RBFOX3: variants seen among roughly 807,000 people sequenced by gnomAD.
The protein encoded by RBFOX3 is RNA binding fox-1 homolog 3, also known as RNA binding protein fox-1 homolog 3.
Under a neutral mutation model 48.7 loss-of-function variants are expected in RBFOX3, and 17 were observed. The ratio of observed to expected loss-of-function variants is 0.35; its 90% CI spans 0.24 to 0.52. RBFOX3 has a LOEUF of 0.52. Among genes scored for constraint, RBFOX3 ranks in the 20% least tolerant of loss-of-function variants. The pLI is 0.94. For synonymous variants in RBFOX3, 212 were observed against 209.5 expected, an observed-to-expected ratio of 1.01 and a Z score of -0.10; for missense variants, 382 against 497.5, an observed-to-expected ratio of 0.77 and a Z score of 2.21.
Position 79,514,406 on chromosome 17 carries a change from C to A in RBFOX3, c.-319-31808G>T, listed in dbSNP as rs1268313759. On this transcript the variant is annotated intron_variant, in intron 1 of 14. Coordinates refer to ENST00000693108, the MANE Select transcript of RBFOX3 (RefSeq NM_001350451.2). ...GTGGGCCACTATTGCCTCACTGAGT[C>A]CTCTCACACCTGCCAGGTAGGTTCT... Among the ~76,000 whole-genome samples, 5 of 152,242 alleles carry A rather than the reference C, an allele frequency of 3.3e-5. No individual in the cohort carries two copies. In the East Asian group the frequency reaches 9.6e-4, roughly 29 times the overall value.
At chr17:79,379,812 A>G (rs1470643542) in intron 2 of RBFOX3, among the ~76,000 whole-genome samples, 10 of 152,056 alleles carry the variant, frequency 6.6e-5, no homozygotes, top group Non-Finnish European at 1.3e-4. Context: ...CCAAGATGCC[A>G]TCCGGGTCCT....
At chr17:79,638,320 T>TAA in the RBFOX3 span, among the ~76,000 whole-genome samples, 1 of 37,380 alleles carries the variant, frequency 2.7e-5, no homozygotes, top group African/African-American at 6.7e-5. Context: ...TTTTTTTTTT[T>TAA]AAATAAAATA....
At chr17:79,496,680 GA>G (rs2081585368) in intron 1 of RBFOX3, among the ~76,000 whole-genome samples, 1 of 152,156 alleles carries the variant, frequency 6.6e-6, no homozygotes, top group Non-Finnish European at 1.5e-5. Context: ...ACAGCATACA[GA>G]ATTTCCTGGC....
rs2057110453 is a variant in RBFOX3, at chr17:79,203,649, T to G, written c.-34+32117A>C. On this transcript the variant is annotated intron_variant, in intron 4 of 14. Coordinates refer to ENST00000693108, the MANE Select transcript of RBFOX3 (RefSeq NM_001350451.2). ...AGGGTGAAGGGGCGTGTAAGGACTGTGGGGGTGGTTGGATTTATTAATGGA... is the reference window on the plus strand; with the variant it reads ...AGGGTGAAGGGGCGTGTAAGGACTGGGGGGGTGGTTGGATTTATTAATGGA... Among the ~76,000 whole-genome samples, 11 of 146,600 alleles carry G rather than the reference T, an allele frequency of 7.5e-5. No homozygotes were observed. In the South Asian group the frequency reaches 2.0e-3, roughly 26 times the overall value.
At chr17:79,458,547 T>A (rs1028229461) in intron 2 of RBFOX3, among the ~76,000 whole-genome samples, 6 of 151,834 alleles carry the variant, frequency 4.0e-5, no homozygotes, top group African/African-American at 1.2e-4. Flanking sequence ...GCAGTTGAGA[T>A]ACGGAACTGC....
intron 3 of RBFOX3, among the ~76,000 whole-genome samples, chr17:79,258,448 C>T (rs982216450): frequency 5.9e-5 from 9 of 152,224 alleles, no homozygotes; most frequent in Non-Finnish European, 1.3e-4. Flanking sequence ...AAGGTTGCTG[C>T]TGTTATGATT....
At chr17:79,458,116 A>G (rs1261382744) in intron 2 of RBFOX3, among the ~76,000 whole-genome samples, 1 of 152,212 alleles carries the variant, frequency 6.6e-6, no homozygotes, top group African/African-American at 2.4e-5. Context: ...GCAGTTGGGC[A>G]GGGAAGGAGC....
At chr17:79,347,431 C>A (rs1469894014) in intron 2 of RBFOX3, among the ~76,000 whole-genome samples, 1 of 151,932 alleles carries the variant, frequency 6.6e-6, no homozygotes, top group African/African-American at 2.4e-5. Flanking sequence ...TCATATATGT[C>A]CTCTTCTATA....
chr17:79,124,428 T>C (rs2036604303), intron 4 of RBFOX3, among the ~76,000 whole-genome samples: 1 of 152,238 alleles, frequency 6.6e-6, no homozygotes, highest in African/African-American at 2.4e-5. Flanking sequence ...GCAACAGTTA[T>C]GGAGCCCCTC....
At chr17:79,331,316 G>A (rs9911245) in intron 2 of RBFOX3, among the ~76,000 whole-genome samples, 84,568 of 151,922 alleles carry the variant, frequency 0.56, 23,863 homozygotes, top group East Asian at 0.79. Flanking sequence ...GTCCCTGGTC[G>A]CCACATGTCT....
rs71161654 is a variant in RBFOX3, at chr17:79,234,721, C to CTTTTTTTTTTTTTTTTTT, written c.-34+1027_-34+1044dup. ...TTGGGTTTATTGGGGGCATTAAGTG[C>CTTTTTTTTTTTTTTTTTT]TTTTTTTTTTTTTTTTTTTTTTTTT... On this transcript the variant is annotated intron_variant, in intron 4 of 14. Coordinates refer to ENST00000693108, the MANE Select transcript of RBFOX3 (RefSeq NM_001350451.2). 2 of 61,828 alleles carry CTTTTTTTTTTTTTTTTTT rather than the reference C, an allele frequency of 3.2e-5. 1 individual carries two copies. Among genetic ancestry groups the CTTTTTTTTTTTTTTTTTT allele is most frequent in the African/African-American group, 1.6e-4 (2 of 12,576 alleles). The allele number at this position is 61,828 out of a possible 1,614,324, so 3.8% of individuals were successfully genotyped here.
intron 4 of RBFOX3, among the ~76,000 whole-genome samples, chr17:79,142,563 G>A (rs532466298): frequency 7.2e-5 from 11 of 152,128 alleles, no homozygotes; most frequent in South Asian, 2.1e-4. Context: ...ACTAAACTCC[G>A]CCAGCGGGGC....
chr17:79,302,947 T>A (rs1233690894), intron 3 of RBFOX3, among the ~76,000 whole-genome samples: 1 of 152,236 alleles, frequency 6.6e-6, no homozygotes, highest in Non-Finnish European at 1.5e-5. Context: ...CTTACGCCTG[T>A]GATCCCAGCA....
At chr17:79,183,515 G>T (rs967113857) in intron 4 of RBFOX3, 1 of 152,094 alleles carries the variant, frequency 6.6e-6, no homozygotes, top group African/African-American at 2.4e-5. Context: ...CTTTAAGAGG[G>T]AGGCATCGAA....
At position 79,577,978 on chromosome 17, in the gene RBFOX3, C is replaced by T. The variant is rs987913292; in HGVS notation, c.-320+32848G>A. ...CAGCGTGGGTGGCAGTGCCCACAGG[C>T]TCCTAAAAATAAGCATCCGTTCAGC... is the stretch of plus-strand genomic sequence containing the variant. On this transcript the variant is annotated intron_variant, in intron 1 of 14. Coordinates refer to ENST00000693108, the MANE Select transcript of RBFOX3 (RefSeq NM_001350451.2). Among the ~76,000 whole-genome samples, 3 of 152,364 alleles carry T rather than the reference C, an allele frequency of 2.0e-5. No individual in the cohort carries two copies. In the South Asian group the frequency reaches 6.2e-4, roughly 32 times the overall value.
chr17:79,335,357 T>A (rs1167334314), intron 2 of RBFOX3, among the ~76,000 whole-genome samples: 1 of 152,236 alleles, frequency 6.6e-6, no homozygotes, highest in Non-Finnish European at 1.5e-5. Context: ...AAATGAAACA[T>A]CATGTAAGTG....
At chr17:79,280,151 G>GCACACACA (rs10650243) in intron 3 of RBFOX3, among the ~76,000 whole-genome samples, 1 of 149,802 alleles carries the variant, frequency 6.7e-6, no homozygotes, top group Non-Finnish European at 1.5e-5. Flanking sequence ...ACATGTGCGT[G>GCACACACA]CACACACACA....
At chr17:79,527,626 G>A (rs2086977025) in intron 1 of RBFOX3, among the ~76,000 whole-genome samples, 1 of 152,194 alleles carries the variant, frequency 6.6e-6, no homozygotes, top group South Asian at 2.1e-4. Flanking sequence ...GGAGGCTTCT[G>A]AGCCATGAAA....
intron 2 of RBFOX3, among the ~76,000 whole-genome samples, chr17:79,460,823 C>A (rs1555748293): frequency 1.3e-5 from 2 of 152,172 alleles, no homozygotes; most frequent in African/African-American, 4.8e-5. Flanking sequence ...GATGCCAGGG[C>A]CATGTTCTTG....
Sources: gnomAD v4.1 joint callset for allele counts (sites outside exome capture counted in the v4.1 genomes callset) on GRCh38, gnomAD v4.1.1 for gene constraint, MANE v1.5 for transcripts, NCBI Gene and HGNC (gene_info 2026-07-23, HGNC 2026-07-21) for gene names.